Variants in PMFBP1 observed in about 807,000 individuals in gnomAD.
The protein encoded by PMFBP1 is polyamine modulated factor 1 binding protein 1.
PMFBP1 carries 131 observed loss-of-function variants against 137.8 expected under a neutral mutation model. The observed-to-expected ratio is 0.95, with a 90% CI of 0.82 to 1.10. PMFBP1 has a LOEUF of 1.10. PMFBP1 is among the 50% of genes least tolerant of loss of function. The probability of loss-of-function intolerance (pLI) is 0.00; values close to 1 mark genes in which losing one functional copy is unlikely to be tolerated. For synonymous variants in PMFBP1, 490 were observed against 450.4 expected (o/e 1.09, Z -1.11); for missense variants, 1,199 against 1,175.4 (o/e 1.02, Z -0.29).
At chr16:72,124,600 G>T (rs1237988223) in intron 17 of PMFBP1, among the ~76,000 whole-genome samples, 167 bp downstream of exon 17, 1 of 152,224 alleles carries the variant, frequency 6.6e-6, no homozygotes, top group East Asian at 1.9e-4. Context: ...AACACAGGTG[G>T]GTTGAACCAG....
At chr16:72,149,709 G>A (rs565968694) in intron 5 of PMFBP1, among the ~76,000 whole-genome samples, 1 of 152,238 alleles carries the variant, frequency 6.6e-6, no homozygotes, top group South Asian at 2.1e-4. Context: ...TGTAGTCCCA[G>A]ATACTCTGGA....
At chr16:72,213,913 G>T in the PMFBP1 span, among the ~76,000 whole-genome samples, 1 of 152,160 alleles carries the variant, frequency 6.6e-6, no homozygotes, top group African/African-American at 2.4e-5. Context: ...TGGCTCCACA[G>T]TGAACAGTAT....
chr16:72,172,148 A>C lies in PMFBP1; in HGVS notation c.-155T>G, dbSNP rs2043228433. On this transcript the variant is annotated 5_prime_UTR_variant, in exon 1 of 21. Coordinates refer to ENST00000237353, the MANE Select transcript of PMFBP1 (RefSeq NM_031293.3). Reference sequence around the variant, plus strand: ...CCCTAATATAAGCCAAGAGGAAGAAAGAATGTTGGTGATATGTGGAATCTG... The same window carrying C: ...CCCTAATATAAGCCAAGAGGAAGAACGAATGTTGGTGATATGTGGAATCTG... 2 of 152,122 alleles carry C rather than the reference A, an allele frequency of 1.3e-5. No homozygotes were observed. The highest frequency in any genetic ancestry group is 6.5e-5 in the Admixed American group (1 of 15,274). 9.4% of individuals were successfully genotyped at this position (152,122 alleles called of 1,614,324 possible).
At chr16:72,131,927 C>A (rs1487813297) in intron 10 of PMFBP1, among the ~76,000 whole-genome samples, 1 of 152,198 alleles carries the variant, frequency 6.6e-6, no homozygotes, top group Non-Finnish European at 1.5e-5. Context: ...CTCACTGCAA[C>A]CTTGACCTCT....
At chr16:72,139,192 A>G in intron 7 of PMFBP1, 97 bp downstream of exon 7, 1 of 861,810 alleles carries the variant, frequency 1.2e-6, no homozygotes, top group Non-Finnish European at 1.8e-6. Flanking sequence ...AATAAAATAT[A>G]AATTGTCATA....
upstream of PMFBP1, among the ~76,000 whole-genome samples, chr16:72,179,873 C>G (rs2043270530): frequency 6.6e-6 from 1 of 152,198 alleles, no homozygotes; most frequent in Non-Finnish European, 1.5e-5. Flanking sequence ...GAAGAAGGAG[C>G]CTGGTTCTCT....
At chr16:72,176,575 C>T (rs753034534), upstream of PMFBP1, among the ~76,000 whole-genome samples, 8 of 152,306 alleles carry the variant, frequency 5.3e-5, no homozygotes, top group Non-Finnish European at 1.0e-4. Context: ...TTGTTCTTCC[C>T]ACCTTTCTAA....
downstream of PMFBP1, among the ~76,000 whole-genome samples, chr16:72,118,615 C>G (rs1331491014): frequency 6.6e-6 from 1 of 152,164 alleles, no homozygotes; most frequent in Non-Finnish European, 1.5e-5. Context: ...AAATTCTAGA[C>G]ATGTACTCAG....
the PMFBP1 span, among the ~76,000 whole-genome samples, chr16:72,186,099 G>C: frequency 1.3e-5 from 2 of 152,108 alleles, no homozygotes; most frequent in Non-Finnish European, 2.9e-5. Flanking sequence ...TGTTCCACCC[G>C]TCTGCATCAT....
chr16:72,139,149 G>A (rs1308826476), intron 7 of PMFBP1, 140 bp downstream of exon 7: 1 of 652,294 alleles, frequency 1.5e-6, no homozygotes, highest in Non-Finnish European at 2.6e-6. Flanking sequence ...CAGTATCCTT[G>A]TGGCAGGGCC....
intron 3 of PMFBP1, among the ~76,000 whole-genome samples, chr16:72,160,600 C>A (rs938151500): frequency 6.6e-6 from 1 of 151,538 alleles, no homozygotes; most frequent in African/African-American, 2.4e-5. Context: ...ATTTAAGAAC[C>A]GAAAAGTCTC....
chr16:72,246,902 A>G, the PMFBP1 span, among the ~76,000 whole-genome samples: 1 of 152,204 alleles, frequency 6.6e-6, no homozygotes, highest in Admixed American at 6.5e-5. Flanking sequence ...GCAGTATAGA[A>G]ATAAAAAGTT....
intron 9 of PMFBP1, among the ~76,000 whole-genome samples, chr16:72,134,356 C>A (rs1410109832): frequency 6.6e-6 from 1 of 152,146 alleles, no homozygotes; most frequent in Non-Finnish European, 1.5e-5. Flanking sequence ...CTAGTTTAAA[C>A]ATTTTTTTGC....
At chr16:72,205,233 G>C in the PMFBP1 span, among the ~76,000 whole-genome samples, 1 of 152,346 alleles carries the variant, frequency 6.6e-6, no homozygotes, top group African/African-American at 2.4e-5. Context: ...TTCTAAAAGC[G>C]ATCTGCCTGC....
the PMFBP1 span, among the ~76,000 whole-genome samples, chr16:72,217,719 G>T: frequency 6.6e-6 from 1 of 152,102 alleles, no homozygotes; most frequent in Non-Finnish European, 1.5e-5. Flanking sequence ...CGAGTGTGGT[G>T]GTGGGCACCT....
the PMFBP1 span, among the ~76,000 whole-genome samples, chr16:72,196,576 G>A: frequency 6.6e-6 from 1 of 152,178 alleles, no homozygotes; most frequent in Non-Finnish European, 1.5e-5. Context: ...TACATGCACG[G>A]CACTCCTGTT....
the PMFBP1 span, among the ~76,000 whole-genome samples, chr16:72,192,841 G>A: frequency 1.3e-5 from 2 of 151,082 alleles, no homozygotes; most frequent in East Asian, 1.9e-4. Context: ...GGCGAAAGTC[G>A]CAGTGAGCCG....
At chr16:72,161,942 A>T (rs1473248281) in intron 3 of PMFBP1, among the ~76,000 whole-genome samples, 3 of 152,172 alleles carry the variant, frequency 2.0e-5, no homozygotes, top group African/African-American at 2.4e-5. Flanking sequence ...AACTTGCCTT[A>T]TATAGTTTTA....
intron 2 of PMFBP1, among the ~76,000 whole-genome samples, chr16:72,165,819 T>A (rs889241253): frequency 1.3e-5 from 2 of 152,198 alleles, no homozygotes; most frequent in Non-Finnish European, 2.9e-5. Flanking sequence ...TGAAAAGAAT[T>A]AGCTAATTGT....
Sources: allele counts gnomAD v4.1 joint callset (sites outside exome capture counted in the v4.1 genomes callset), GRCh38; gene constraint gnomAD v4.1.1; transcripts MANE v1.5; gene names NCBI Gene and HGNC (gene_info 2026-07-23, HGNC 2026-07-21).